CLVS1: variants seen among roughly 807,000 people sequenced by gnomAD.
The protein encoded by CLVS1 is clavesin 1.
A neutral mutation model predicts 33.1 loss-of-function variants in CLVS1; 10 were observed. The observed-to-expected ratio is 0.30, with a 90% CI of 0.19 to 0.51. The LOEUF (loss-of-function observed/expected upper bound fraction) is 0.51, where lower values mean the gene tolerates loss of function less well. CLVS1 is among the 20% of genes least tolerant of loss of function. The pLI is 0.97. For missense variants in CLVS1, 343 were observed against 433.4 expected, an observed-to-expected ratio of 0.79 and a Z score of 1.85; for synonymous variants, 163 against 166.1, an observed-to-expected ratio of 0.98 and a Z score of 0.14.
chr8:61,051,239 T>C, the CLVS1 span, among the ~76,000 whole-genome samples: 1 of 152,236 alleles, frequency 6.6e-6, no homozygotes, highest in East Asian at 1.9e-4. Flanking sequence ...GCTGAGCATC[T>C]ACCCTGCATG....
chr8:61,175,252 T>C (rs539435653), intron 2 of CLVS1, among the ~76,000 whole-genome samples: 1 of 152,308 alleles, frequency 6.6e-6, no homozygotes, highest in South Asian at 2.1e-4. Flanking sequence ...GTCATGAGAA[T>C]AGAGCCCTCA....
the CLVS1 span, among the ~76,000 whole-genome samples, chr8:61,001,460 C>T: frequency 6.6e-6 from 1 of 152,250 alleles, no homozygotes; most frequent in Non-Finnish European, 1.5e-5. Flanking sequence ...CATACTTAAT[C>T]TGTATTTTGC....
At chr8:61,429,655 A>G (rs1816037372) in intron 3 of CLVS1, among the ~76,000 whole-genome samples, 2 of 152,280 alleles carry the variant, frequency 1.3e-5, no homozygotes, top group South Asian at 2.1e-4. Context: ...AGCCATGTGT[A>G]TGTTTGGAAT....
intron 2 of CLVS1, among the ~76,000 whole-genome samples, chr8:61,157,524 A>G (rs1479450700): frequency 2.0e-5 from 3 of 152,174 alleles, no homozygotes; most frequent in Non-Finnish European, 4.4e-5. Flanking sequence ...CCAAACCCAT[A>G]AATTATTAAA....
chr8:61,288,256 G>A (rs1730427039), intron 1 of CLVS1, 118 bp downstream of exon 1: 1 of 456,440 alleles, frequency 2.2e-6, no homozygotes, highest in South Asian at 1.5e-5. Context: ...GCTCCCATCT[G>A]CAATCCCTCT....
intron 3 of CLVS1, among the ~76,000 whole-genome samples, chr8:61,423,688 C>T (rs745922761): frequency 1.3e-5 from 2 of 152,108 alleles, no homozygotes; most frequent in African/African-American, 4.8e-5. Context: ...TATCTGTGCT[C>T]CAAATTCTAC....
intron 4 of CLVS1, among the ~76,000 whole-genome samples, chr8:61,456,130 G>A (rs529870387): frequency 5.9e-5 from 9 of 152,190 alleles, no homozygotes; most frequent in Admixed American, 2.0e-4. Context: ...TTGCTGCCAT[G>A]CCATAGGTGG....
intron 3 of CLVS1, among the ~76,000 whole-genome samples, chr8:61,450,849 C>G (rs1816925320): frequency 6.6e-6 from 1 of 152,164 alleles, no homozygotes; most frequent in Non-Finnish European, 1.5e-5. Flanking sequence ...ACTTTTGGTC[C>G]TTTTCTTACT....
intron 2 of CLVS1, among the ~76,000 whole-genome samples, chr8:61,158,969 G>A (rs1585651531): frequency 6.6e-6 from 1 of 152,300 alleles, no homozygotes; most frequent in Non-Finnish European, 1.5e-5. Context: ...TAGGACTACA[G>A]GCATGGGCCA....
intron 1 of CLVS1, among the ~76,000 whole-genome samples, chr8:61,073,632 A>G (rs1804842288): frequency 6.6e-6 from 1 of 152,180 alleles, no homozygotes; most frequent in South Asian, 2.1e-4. Context: ...AACTTAAATA[A>G]TATCTATCAT....
intron 3 of CLVS1, among the ~76,000 whole-genome samples, chr8:61,420,012 A>G (rs1043483726): frequency 6.6e-6 from 1 of 152,222 alleles, no homozygotes; most frequent in African/African-American, 2.4e-5. Flanking sequence ...CAAGTCTGGA[A>G]CCTTTAAAAC....
intron 3 of CLVS1, among the ~76,000 whole-genome samples, chr8:61,378,878 T>A (rs1329524091): frequency 6.6e-6 from 1 of 152,204 alleles, no homozygotes; most frequent in African/African-American, 2.4e-5. Context: ...ACCCCTCTGA[T>A]GTCTTGAAAA....
In CLVS1 at chr8:61,101,807, GT is replaced by G. The variant is rs35834045; in HGVS notation, c.-242-29951del. ...AAATATGGTGTGAGTAGGAGTCCAA[GT>G]TTTTTTTTTTTCATGTAGATATTCA... On this transcript the variant is annotated intron_variant, in intron 1 of 2. Coordinates refer to the CLVS1 transcript ENST00000522621. Among the ~76,000 whole-genome samples, 194 of 147,212 alleles carry G rather than the reference GT, an allele frequency of 1.3e-3. 1 individual carries two copies. Among genetic ancestry groups the G allele is most frequent in the African/African-American group, 3.6e-3 (144 of 40,408 alleles).
chr8:61,455,142 G>A (rs1817099875), intron 4 of CLVS1, among the ~76,000 whole-genome samples: 1 of 151,024 alleles, frequency 6.6e-6, no homozygotes, highest in Non-Finnish European at 1.5e-5. Context: ...CCACAATCAA[G>A]CTATTAACAC....
intron 2 of CLVS1, among the ~76,000 whole-genome samples, chr8:61,178,059 G>A (rs1807152434): frequency 6.6e-6 from 1 of 152,062 alleles, no homozygotes; most frequent in South Asian, 2.1e-4. Context: ...CAAGGTAAAG[G>A]AACATGCTCT....
At chr8:61,353,328 T>C (rs1315315990) in intron 2 of CLVS1, among the ~76,000 whole-genome samples, 1 of 151,928 alleles carries the variant, frequency 6.6e-6, no homozygotes, top group East Asian at 1.9e-4. Context: ...TTAAAATAAA[T>C]GAAATCATAC....
intron 1 of CLVS1, among the ~76,000 whole-genome samples, chr8:61,112,883 A>G (rs956190055): frequency 6.6e-6 from 1 of 152,160 alleles, no homozygotes; most frequent in Non-Finnish European, 1.5e-5. Context: ...ATAAGTGATA[A>G]ATGAATCAGC....
chr8:61,488,322 T>A (rs748940429), intron 5 of CLVS1, among the ~76,000 whole-genome samples: 4 of 152,214 alleles, frequency 2.6e-5, no homozygotes, highest in Non-Finnish European at 5.9e-5. Context: ...TGTAAAGGAT[T>A]TGGGCACAAC....
At chr8:61,212,788 CAGGG>C (rs1807999768) in intron 2 of CLVS1, among the ~76,000 whole-genome samples, 1 of 152,122 alleles carries the variant, frequency 6.6e-6, no homozygotes, top group Non-Finnish European at 1.5e-5. Context: ...CTGCTGCCAG[CAGGG>C]AGGCGCCTTG....
Sources: gnomAD v4.1 joint callset for allele counts (sites outside exome capture counted in the v4.1 genomes callset) on GRCh38, gnomAD v4.1.1 for gene constraint, MANE v1.5 for transcripts, NCBI Gene and HGNC (gene_info 2026-07-23, HGNC 2026-07-21) for gene names.